MAGI2: variants seen among roughly 807,000 people sequenced by gnomAD.
MAGI2 encodes the protein membrane associated guanylate kinase, WW and PDZ domain containing 2, also known as membrane-associated guanylate kinase, WW and PDZ domain-containing protein 2.
MAGI2 carries 35 observed loss-of-function variants against 133.3 expected under a neutral mutation model. That is an observed-to-expected ratio of 0.26 (90% CI 0.20 to 0.35). MAGI2 has a LOEUF of 0.35. Ranked by LOEUF, MAGI2 falls within the 10% of genes least tolerant of loss-of-function variation. MAGI2 has a pLI of 1.00. For missense variants in MAGI2, 1,636 were observed against 1,863.4 expected (o/e 0.88, Z 2.25); for synonymous variants, 729 against 710.6 (o/e 1.03, Z -0.41).
At chr7:79,121,502 A>G (rs1278939985) in intron 1 of MAGI2, among the ~76,000 whole-genome samples, 1 of 152,116 alleles carries the variant, frequency 6.6e-6, no homozygotes, top group Admixed American at 6.5e-5. Flanking sequence ...TTTCAGAGCC[A>G]ATAATCTCCA....
rs368060206 is a variant in MAGI2 at position 78,965,170 on chromosome 7, A to G, written c.418+41920T>C. 2.5e-4 allele frequency among the ~76,000 whole-genome samples: 38 copies of G among 151,550 alleles called. No homozygotes were observed. In the South Asian group the frequency reaches 6.0e-3, roughly 24 times the overall value. On this transcript the variant is annotated intron_variant, in intron 2 of 21. Coordinates refer to ENST00000354212, the MANE Select transcript of MAGI2 (RefSeq NM_012301.4). Reference sequence around the variant, plus strand: ...GTACTTTCTGTTAATCTAAATCTAAATCTAATTAATTAATATAAATCTAAT... The same window carrying G: ...GTACTTTCTGTTAATCTAAATCTAAGTCTAATTAATTAATATAAATCTAAT...
At chr7:79,086,258 T>G (rs113805344) in intron 1 of MAGI2, among the ~76,000 whole-genome samples, 5,274 of 151,956 alleles carry the variant, frequency 0.035, 199 homozygotes, top group African/African-American at 0.093. Context: ...TGGAGTTTTT[T>G]AGGAAGCTTC....
At chr7:79,070,619 A>G (rs965691043) in intron 1 of MAGI2, among the ~76,000 whole-genome samples, 8 of 151,494 alleles carry the variant, frequency 5.3e-5, no homozygotes, top group Non-Finnish European at 1.2e-4. Context: ...AGCCTTCTGA[A>G]TAGCTGGGAC....
intron 2 of MAGI2, chr7:78,940,687 C>T (rs991898970): frequency 6.6e-6 from 1 of 152,110 alleles, no homozygotes; most frequent in Non-Finnish European, 1.5e-5. Context: ...AGTCATGAAC[C>T]TAAATGGCTA....
intron 3 of MAGI2, among the ~76,000 whole-genome samples, chr7:78,611,844 A>G (rs1806483719): frequency 6.6e-6 from 1 of 152,174 alleles, no homozygotes; most frequent in Non-Finnish European, 1.5e-5. Flanking sequence ...TTGTCCTACA[A>G]CTGACCTGAA....
intron 2 of MAGI2, chr7:79,000,383 A>C (rs1402785904): frequency 6.6e-6 from 1 of 152,204 alleles, no homozygotes; most frequent in Non-Finnish European, 1.5e-5. Context: ...ACAAAAACAC[A>C]TTGCCTTGTT....
chr7:78,547,398 T>C (rs1220989759), intron 3 of MAGI2, among the ~76,000 whole-genome samples: 2 of 152,262 alleles, frequency 1.3e-5, no homozygotes, highest in African/African-American at 4.8e-5. Flanking sequence ...ATAAGAAATA[T>C]GGCAGGTTCG....
chr7:78,130,152 CT>C (rs1211226925), intron 18 of MAGI2, among the ~76,000 whole-genome samples: 1 of 152,078 alleles, frequency 6.6e-6, no homozygotes, highest in Non-Finnish European at 1.5e-5. Flanking sequence ...TCAACAAATG[CT>C]TCTCCTTGAA....
At chr7:78,876,078 C>G (rs478961) in intron 2 of MAGI2, among the ~76,000 whole-genome samples, 81,954 of 151,726 alleles carry the variant, frequency 0.54, 24,003 homozygotes, top group Middle Eastern at 0.69. Flanking sequence ...ATTCCAGCAC[C>G]TTGGGAGGCC....
chr7:78,357,951 A>G (rs1792265079), intron 7 of MAGI2, among the ~76,000 whole-genome samples: 1 of 151,438 alleles, frequency 6.6e-6, no homozygotes, highest in Admixed American at 6.6e-5. Flanking sequence ...ATATGAAATC[A>G]TCTGATAAAC....
chr7:79,100,643 A>C (rs1039180484), intron 1 of MAGI2, among the ~76,000 whole-genome samples: 1 of 151,520 alleles, frequency 6.6e-6, no homozygotes, highest in Non-Finnish European at 1.5e-5. Flanking sequence ...TTTAAGTTAA[A>C]ATTTTTTAAA....
intron 2 of MAGI2, among the ~76,000 whole-genome samples, chr7:78,854,161 A>G (rs904972147): frequency 6.6e-6 from 1 of 152,176 alleles, no homozygotes; most frequent in South Asian, 2.1e-4. Context: ...AATTTGCTTC[A>G]TGGAAACTAT....
At chr7:79,235,350 T>G (rs2129554594) in intron 1 of MAGI2, among the ~76,000 whole-genome samples, 1 of 152,288 alleles carries the variant, frequency 6.6e-6, no homozygotes, top group Admixed American at 6.5e-5. Context: ...CTGCTTTGTT[T>G]ACCTAAGCAA....
intron 1 of MAGI2, among the ~76,000 whole-genome samples, chr7:79,364,282 A>T (rs1437264805): frequency 6.6e-6 from 1 of 152,038 alleles, no homozygotes; most frequent in Non-Finnish European, 1.5e-5. Flanking sequence ...TCAAAGAGAT[A>T]TGAAGACTAT....
intron 1 of MAGI2, among the ~76,000 whole-genome samples, chr7:79,073,026 A>G (rs553757839): frequency 6.6e-6 from 1 of 152,280 alleles, no homozygotes; most frequent in East Asian, 1.9e-4. Context: ...CAAAAAGACA[A>G]AAACAAAAAC....
intron 2 of MAGI2, among the ~76,000 whole-genome samples, chr7:78,703,338 A>G (rs73149076): frequency 0.05 from 7,593 of 152,132 alleles, 276 homozygotes; most frequent in Non-Finnish European, 0.077. Context: ...TCCAAGTTGT[A>G]TCTAGTTGTA....
intron 6 of MAGI2, among the ~76,000 whole-genome samples, chr7:78,390,270 T>C (rs1449796131): frequency 6.6e-6 from 1 of 152,140 alleles, no homozygotes; most frequent in African/African-American, 2.4e-5. Context: ...AATAGAAAAC[T>C]CAAGAAAATT....
At chr7:78,688,152 G>T (rs1196318776) in intron 2 of MAGI2, among the ~76,000 whole-genome samples, 1 of 152,050 alleles carries the variant, frequency 6.6e-6, no homozygotes, top group African/African-American at 2.4e-5. Context: ...CCTCTTGATT[G>T]ATTTGTGTCT....
intron 9 of MAGI2, among the ~76,000 whole-genome samples, chr7:78,330,730 A>C (rs1230800980): frequency 6.6e-6 from 1 of 152,036 alleles, no homozygotes. Flanking sequence ...TTTATTAACG[A>C]TCAAGTCAGA....
Sources: allele counts gnomAD v4.1 joint callset (sites outside exome capture counted in the v4.1 genomes callset), GRCh38; gene constraint gnomAD v4.1.1; transcripts MANE v1.5; gene names NCBI Gene and HGNC (gene_info 2026-07-23, HGNC 2026-07-21).